Variants in NBAS observed in about 807,000 individuals in gnomAD.
The protein encoded by NBAS is NBAS subunit of NRZ tethering complex.
A neutral mutation model predicts 302.5 loss-of-function variants in NBAS; 219 were observed. That is an observed-to-expected ratio of 0.72 (90% CI 0.65 to 0.81). The LOEUF is 0.81. NBAS is among the 30% of genes least tolerant of loss of function. The pLI is 0.00. For missense variants in NBAS, 2,932 were observed against 2,841.6 expected, an observed-to-expected ratio of 1.03 and a Z score of -0.72; for synonymous variants, 1,118 against 1,021.6, an observed-to-expected ratio of 1.09 and a Z score of -1.80.
At chr2:15,117,165 C>T in the NBAS span, among the ~76,000 whole-genome samples, 1 of 152,140 alleles carries the variant, frequency 6.6e-6, no homozygotes. Flanking sequence ...GCACGGCCAC[C>T]TGAAGCTTGG....
the NBAS span, among the ~76,000 whole-genome samples, chr2:14,903,835 C>G: frequency 7.9e-5 from 12 of 151,870 alleles, no homozygotes; most frequent in African/African-American, 2.7e-4. Context: ...CCTGTCCCCC[C>G]CATCCCCCTG....
At chr2:14,921,238 C>A in the NBAS span, among the ~76,000 whole-genome samples, 4 of 152,184 alleles carry the variant, frequency 2.6e-5, no homozygotes, top group South Asian at 4.1e-4. Context: ...AGAACACACA[C>A]AACATTTATC....
At chr2:15,002,773 G>A in the NBAS span, among the ~76,000 whole-genome samples, 1 of 152,224 alleles carries the variant, frequency 6.6e-6, no homozygotes, top group African/African-American at 2.4e-5. Context: ...CAGCTGCTGG[G>A]CCGGGTGCTA....
At chr2:14,853,963 C>T in the NBAS span, among the ~76,000 whole-genome samples, 2 of 137,096 alleles carry the variant, frequency 1.5e-5, no homozygotes, top group African/African-American at 5.5e-5. Flanking sequence ...GGGAGATATA[C>T]CTAATGCTAG....
chr2:14,882,552 G>T, the NBAS span, among the ~76,000 whole-genome samples: 1 of 152,102 alleles, frequency 6.6e-6, no homozygotes, highest in South Asian at 2.1e-4. Context: ...TTTTCACACT[G>T]CCAGCTACCT....
the NBAS span, among the ~76,000 whole-genome samples, chr2:15,148,688 AT>A: frequency 2.6e-5 from 4 of 152,184 alleles, no homozygotes; most frequent in Admixed American, 6.5e-5. Context: ...ATTATTTATA[AT>A]TTTTTTAAAA....
At chr2:15,502,362 C>T (rs1661609710) in intron 11 of NBAS, among the ~76,000 whole-genome samples, 1 of 152,180 alleles carries the variant, frequency 6.6e-6, no homozygotes, top group South Asian at 2.1e-4. Context: ...AGTCATGTAT[C>T]ACTTAACAAC....
intron 26 of NBAS, chr2:15,397,519 A>G (rs1308233035): frequency 3.4e-6 from 2 of 591,558 alleles, no homozygotes; most frequent in Non-Finnish European, 6.2e-6. Flanking sequence ...AGGCTTCATG[A>G]TATCAATTCC....
At chr2:15,031,348 C>G in the NBAS span, among the ~76,000 whole-genome samples, 1 of 152,214 alleles carries the variant, frequency 6.6e-6, no homozygotes, top group Non-Finnish European at 1.5e-5. Flanking sequence ...GAACCATAAT[C>G]TCAACATGTC....
chr2:15,452,394 G>A (rs1358203068), intron 21 of NBAS, among the ~76,000 whole-genome samples: 1 of 151,616 alleles, frequency 6.6e-6, no homozygotes, highest in Admixed American at 6.6e-5. Context: ...AGGAGATCAA[G>A]ACCATCCTGG....
chr2:15,353,742 CA>C (rs778650806), intron 33 of NBAS, 32 bp from the exon 34 acceptor site: 134 of 1,613,430 alleles, frequency 8.3e-5, no homozygotes, highest in Non-Finnish European at 1.1e-4. Flanking sequence ...AAATGATTCC[CA>C]AAAGAAGAAG....
At chr2:14,883,946 T>C in the NBAS span, among the ~76,000 whole-genome samples, 1 of 150,102 alleles carries the variant, frequency 6.7e-6, no homozygotes, top group East Asian at 2.0e-4. Flanking sequence ...TACTCCAGCC[T>C]CAGTGACATA....
chr2:14,943,412 A>C, the NBAS span, among the ~76,000 whole-genome samples: 2 of 152,264 alleles, frequency 1.3e-5, no homozygotes, highest in Non-Finnish European at 2.9e-5. Context: ...ACAAATAAAA[A>C]AGCGTATCTG....
At chr2:15,503,048 T>C (rs998446208) in intron 11 of NBAS, among the ~76,000 whole-genome samples, 6 of 152,192 alleles carry the variant, frequency 3.9e-5, no homozygotes, top group African/African-American at 1.4e-4. Flanking sequence ...AAGACACAAA[T>C]ACACACATCA....
At chr2:15,103,247 C>G in the NBAS span, among the ~76,000 whole-genome samples, 2 of 152,146 alleles carry the variant, frequency 1.3e-5, no homozygotes, top group Non-Finnish European at 2.9e-5. Context: ...ACACGTCAAG[C>G]TCCTTTTTTC....
rs1674645607 is a variant in NBAS, at chr2:15,374,646, C to T, written c.3665G>A (p.Cys1222Tyr). The T allele has an allele frequency of 1.9e-6, 3 of 1,613,996 alleles. No individual in the cohort carries two copies. Among genetic ancestry groups the T allele is most frequent in the African/African-American group, 2.7e-5 (2 of 75,054 alleles). ...GATCTTTACCCCAAATTCTTCAAGA[C>T]ATCCAACGGCTTGGATAAGATCTAG... is the stretch of plus-strand genomic sequence containing the variant. ...EELDLIQAVG[C>Y]LEEFGVKILP... The change falls in exon 31 of 52, where the codon TGT (cysteine) becomes TAT (tyrosine). Residue 1222 changes from cysteine (C) to tyrosine (Y), a missense_variant. Coordinates refer to ENST00000281513, the MANE Select transcript of NBAS (RefSeq NM_015909.4).
intron 50 of NBAS, among the ~76,000 whole-genome samples, chr2:15,181,047 T>C (rs1255284488): frequency 2.0e-5 from 3 of 152,232 alleles, no homozygotes; most frequent in African/African-American, 7.2e-5. Flanking sequence ...ATGGTAGTCA[T>C]TCATCGGTCT....
At chr2:15,464,176 A>T (rs375638272) in intron 19 of NBAS, among the ~76,000 whole-genome samples, 1 of 152,152 alleles carries the variant, frequency 6.6e-6, no homozygotes, top group Admixed American at 6.5e-5. Context: ...TCAAATAGAT[A>T]ATTAGTGCTG....
intron 28 of NBAS, chr2:15,393,805 T>C: frequency 2.2e-6 from 1 of 450,712 alleles, no homozygotes; most frequent in South Asian, 1.7e-5. Flanking sequence ...ACAACATGGA[T>C]GAATCACAAA....
Sources: gnomAD v4.1 joint callset for allele counts (sites outside exome capture counted in the v4.1 genomes callset) on GRCh38, gnomAD v4.1.1 for gene constraint, MANE v1.5 for transcripts, NCBI Gene and HGNC (gene_info 2026-07-23, HGNC 2026-07-21) for gene names.